Variants in RBBP5 observed in about 807,000 individuals in gnomAD.
RBBP5 encodes RB binding protein 5, histone lysine methyltransferase complex subunit.
In RBBP5, 5 loss-of-function variants were observed where a neutral mutation model predicts 72.2. The ratio of observed to expected loss-of-function variants is 0.07; its 90% CI spans 0.04 to 0.15. The LOEUF (loss-of-function observed/expected upper bound fraction) is 0.15. RBBP5 is among the 10% of genes least tolerant of loss of function. The pLI, the probability that RBBP5 is intolerant of heterozygous loss-of-function variation, is 1.00. For missense variants in RBBP5, 322 were observed against 652.2 expected (o/e 0.49, Z 5.51); for synonymous variants, 209 against 237.2 (o/e 0.88, Z 1.09).
chr1:205,102,951 CCATTGCACTCCAGCCTGGG>C (rs1655899715), intron 5 of RBBP5, among the ~76,000 whole-genome samples: 1 of 150,194 alleles, frequency 6.7e-6, no homozygotes, highest in Non-Finnish European at 1.5e-5. Flanking sequence ...TGAGATGGTG[CCATTGCACTCCAGCCTGGG>C]CAACAACAAG....
chr1:205,111,070 A>C (rs781109082), intron 3 of RBBP5, among the ~76,000 whole-genome samples: 1 of 152,200 alleles, frequency 6.6e-6, no homozygotes, highest in Non-Finnish European at 1.5e-5. Context: ...TCTCGAAAAA[A>C]TTTAAAAAAA....
rs773644505 is a variant in RBBP5 at position 205,100,171 on chromosome 1, A to G, written c.733T>C (p.Leu245=). The change falls in exon 7 of 14, where the codon TTG becomes CTG. Residue 245 remains leucine (L), a synonymous_variant. Transcript: ENST00000264515. ...ACATACCTATTCACCAAATCCTGCA[A>G]TTTCTGCATAGGTTCAGGCTCTCCA... ...RDGEPEPMQK[L]QDLVNRTPWK... The G allele has an allele frequency of 1.2e-6, 2 of 1,614,062 alleles. No individual in the cohort carries two copies. Among genetic ancestry groups the G allele is most frequent in the African/African-American group, 1.3e-5 (1 of 74,924 alleles).
chr1:205,107,835 A>G (rs1656134189), intron 3 of RBBP5, among the ~76,000 whole-genome samples: 1 of 151,790 alleles, frequency 6.6e-6, no homozygotes, highest in East Asian at 1.9e-4. Flanking sequence ...AATCCCAGCT[A>G]CTTGGGAGCC....
chr1:205,107,752 C>G (rs995513339), intron 3 of RBBP5, among the ~76,000 whole-genome samples: 1 of 151,808 alleles, frequency 6.6e-6, no homozygotes, highest in African/African-American at 2.4e-5. Flanking sequence ...TGGAGACCAG[C>G]CTGGCCAACA....
intron 3 of RBBP5, among the ~76,000 whole-genome samples, chr1:205,106,721 T>C (rs1656079493): frequency 6.6e-6 from 1 of 151,942 alleles, no homozygotes; most frequent in African/African-American, 2.4e-5. Context: ...GAAAAGACAA[T>C]CAATAGACAC....
At chr1:205,119,201 T>C (rs373224172) in intron 1 of RBBP5, among the ~76,000 whole-genome samples, 2 of 152,258 alleles carry the variant, frequency 1.3e-5, no homozygotes, top group East Asian at 3.9e-4. Flanking sequence ...CTGACCAGGT[T>C]GGCCAACATG....
intron 1 of RBBP5, among the ~76,000 whole-genome samples, chr1:205,117,331 G>C (rs1394460520): frequency 6.6e-6 from 1 of 151,980 alleles, no homozygotes; most frequent in Non-Finnish European, 1.5e-5. Context: ...TGAGATTACA[G>C]GCATGAGCCA....
Position 205,096,783 on chromosome 1 carries a change from G to C in RBBP5, c.1295C>G (p.Ala432Gly). The stretch of plus-strand genomic sequence containing the variant: ...GGACTGCCTCTTCTTCTCTGAACTA[G>C]CCCCTTCATCCATCAAGGAGGTTTG... ...AVQTSLMDEG[A>G]SSEKKRQSSA... The change falls in exon 12 of 14, where the codon GCT (alanine) becomes GGT (glycine). Residue 432 changes from alanine to glycine, a missense_variant. Physicochemically the swap from Ala to Gly is moderately conservative, Grantham distance 60. Coordinates refer to ENST00000264515, the MANE Select transcript of RBBP5 (RefSeq NM_005057.4). 1 of 1,614,174 alleles carries C rather than the reference G, an allele frequency of 6.2e-7. No homozygotes were observed. The highest frequency in any genetic ancestry group is 8.5e-7 in the Non-Finnish European group (1 of 1,180,036).
chr1:205,102,612 G>A (rs931468546), intron 5 of RBBP5, among the ~76,000 whole-genome samples: 6 of 152,166 alleles, frequency 3.9e-5, no homozygotes, highest in Admixed American at 3.3e-4. Flanking sequence ...TAGAGTGAAT[G>A]TACATTAATT....
intron 3 of RBBP5, among the ~76,000 whole-genome samples, chr1:205,109,233 G>GGAT (rs772447580): frequency 1.4e-5 from 2 of 148,146 alleles, no homozygotes; most frequent in East Asian, 3.9e-4. Flanking sequence ...GCCAATAGCT[G>GGAT]GATGATGATG....
At chr1:205,102,143 A>G (rs1258687002) in intron 5 of RBBP5, among the ~76,000 whole-genome samples, 3 of 151,984 alleles carry the variant, frequency 2.0e-5, no homozygotes, top group Non-Finnish European at 4.4e-5. Flanking sequence ...TGATCCGCCC[A>G]CCTCGGCCTC....
chr1:205,093,625 G>A (rs1387797873), intron 13 of RBBP5, among the ~76,000 whole-genome samples: 1 of 148,262 alleles, frequency 6.7e-6, no homozygotes, highest in African/African-American at 2.5e-5. Context: ...ATGTGGACGT[G>A]GTAACCATCA....
intron 1 of RBBP5, among the ~76,000 whole-genome samples, chr1:205,120,049 T>A (rs1656676442): frequency 6.6e-6 from 1 of 152,212 alleles, no homozygotes; most frequent in Non-Finnish European, 1.5e-5. Context: ...ATCAACAGCA[T>A]CATTATTTGC....
At chr1:205,105,726 C>A (rs12125465) in intron 3 of RBBP5, among the ~76,000 whole-genome samples, 48,573 of 152,044 alleles carry the variant, frequency 0.32, 9,180 homozygotes, top group Non-Finnish European at 0.44. Context: ...TAGTGAAATC[C>A]CTGAATTTTC....
At chr1:205,097,670 A>G (rs530385601) in intron 10 of RBBP5, among the ~76,000 whole-genome samples, 1 of 152,360 alleles carries the variant, frequency 6.6e-6, no homozygotes, top group Admixed American at 6.5e-5. Context: ...AATTTAATAC[A>G]GTAATGGTAT....
intron 10 of RBBP5, among the ~76,000 whole-genome samples, chr1:205,098,301 C>T (rs993285019): frequency 2.0e-5 from 3 of 152,210 alleles, no homozygotes; most frequent in African/African-American, 7.2e-5. Context: ...CCTTCTCTTA[C>T]TGACAAAGGA....
intron 4 of RBBP5, among the ~76,000 whole-genome samples, 169 bp from the exon 5 acceptor site, chr1:205,104,188 G>C (rs1358361132): frequency 6.6e-6 from 1 of 152,072 alleles, no homozygotes; most frequent in African/African-American, 2.4e-5. Context: ...GGAAAATTCT[G>C]AGTAAAATTA....
At chr1:205,112,390 A>T (rs981486475) in intron 3 of RBBP5, among the ~76,000 whole-genome samples, 1 of 152,180 alleles carries the variant, frequency 6.6e-6, no homozygotes, top group South Asian at 2.1e-4. Flanking sequence ...ATTCCCCTTC[A>T]CTACAATTGA....
chr1:205,104,497 A>G (rs747966241), intron 4 of RBBP5, among the ~76,000 whole-genome samples: 2 of 151,840 alleles, frequency 1.3e-5, no homozygotes, highest in Non-Finnish European at 1.5e-5. Flanking sequence ...CACTCCAGCT[A>G]GAGCGTCGCA....
Sources: gnomAD v4.1 joint callset for allele counts (sites outside exome capture counted in the v4.1 genomes callset) on GRCh38, gnomAD v4.1.1 for gene constraint, MANE v1.5 for transcripts, NCBI Gene and HGNC (gene_info 2026-07-23, HGNC 2026-07-21) for gene names.